KNDC1: variants seen among roughly 807,000 people sequenced by gnomAD.
KNDC1 encodes kinase non-catalytic C-lobe domain-containing protein 1.
In KNDC1, 106 loss-of-function variants were observed where a neutral mutation model predicts 172.8. The ratio of observed to expected loss-of-function variants is 0.61; its 90% CI spans 0.52 to 0.72. KNDC1 has a LOEUF of 0.72. KNDC1 is among the 30% of genes least tolerant of loss of function. KNDC1 has a pLI of 0.00. For synonymous variants in KNDC1, 1,083 were observed against 1,062.2 expected (o/e 1.02, Z -0.38); for missense variants, 2,325 against 2,394.5 (o/e 0.97, Z 0.61).
intron 14 of KNDC1, 83 bp from the exon 15 acceptor site, chr10:133,199,375 C>A: frequency 6.3e-7 from 1 of 1,577,830 alleles, no homozygotes; most frequent in South Asian, 1.2e-5. Flanking sequence ...CGAGATCAGC[C>A]TTGTCCGTTT....
At chr10:133,162,404 C>G (rs769567026) in intron 1 of KNDC1, among the ~76,000 whole-genome samples, 2 of 152,140 alleles carry the variant, frequency 1.3e-5, no homozygotes. Flanking sequence ...GGGCAGCTGC[C>G]GGGAAAGCAC....
At chr10:133,181,887 C>T (rs943457021) in intron 3 of KNDC1, among the ~76,000 whole-genome samples, 1 of 144,772 alleles carries the variant, frequency 6.9e-6, no homozygotes, top group Non-Finnish European at 1.5e-5. Context: ...GAACCACCTG[C>T]GAGGCAGTTT....
At chr10:133,175,632 T>A (rs931021329) in intron 3 of KNDC1, among the ~76,000 whole-genome samples, 1 of 148,336 alleles carries the variant, frequency 6.7e-6, no homozygotes, top group African/African-American at 2.5e-5. Context: ...GATGGATTGA[T>A]GAGTGTATGA....
In KNDC1 at chr10:133,168,281, CCGAGTT is replaced by C; in HGVS notation, c.333_338del (p.Glu111_Phe112del). Reference sequence around the variant, plus strand: ...GACCCTGAGGGTGCCTTCGTTCCCCCCGAGTTCGACGTGACCGGGAACACCTTTGAG... The same window carrying C: ...GACCCTGAGGGTGCCTTCGTTCCCCCCGACGTGACCGGGAACACCTTTGAG... On this transcript the variant is annotated inframe_deletion, in exon 3 of 30. Coordinates refer to ENST00000304613, the MANE Select transcript of KNDC1 (RefSeq NM_152643.8). The C allele has an allele frequency of 6.2e-7, 1 of 1,614,172 alleles. No individual in the cohort carries two copies. Among genetic ancestry groups the C allele is most frequent in the Non-Finnish European group, 8.5e-7 (1 of 1,180,022 alleles).
At chr10:133,191,811 G>T (rs1055028564) in intron 9 of KNDC1, among the ~76,000 whole-genome samples, 2 of 152,250 alleles carry the variant, frequency 1.3e-5, no homozygotes, top group African/African-American at 4.8e-5. Context: ...AAACCCCACA[G>T]GAGCACTGCG....
At chr10:133,203,214 C>T (rs371439392) in intron 17 of KNDC1, among the ~76,000 whole-genome samples, 452 of 45,530 alleles carry the variant, frequency 9.9e-3, no homozygotes, top group South Asian at 0.015. Flanking sequence ...CCCAAACGCA[C>T]GGCGTCCAGT....
chr10:133,223,907 G>T (rs1391203674), intron 29 of KNDC1, among the ~76,000 whole-genome samples: 1 of 139,026 alleles, frequency 7.2e-6, no homozygotes, highest in Non-Finnish European at 1.5e-5. Flanking sequence ...GCGTGTGTGT[G>T]AGCCCATCCA....
At chr10:133,188,502 G>A (rs1322446211) in intron 6 of KNDC1, 37 bp from the exon 7 acceptor site, 7 of 1,374,952 alleles carry the variant, frequency 5.1e-6, no homozygotes, top group Admixed American at 4.0e-5. Flanking sequence ...CCTGGCAAGG[G>A]GTGTCCACAC....
intron 26 of KNDC1, among the ~76,000 whole-genome samples, chr10:133,216,200 G>C (rs1845465934): frequency 6.6e-6 from 1 of 152,180 alleles, no homozygotes; most frequent in African/African-American, 2.4e-5. Context: ...TTCTGACGAT[G>C]CCTGGAGTGA....
At position 133,199,150 on chromosome 10, in the gene KNDC1, C is replaced by A. The variant is rs1251952674; in HGVS notation, c.2642C>A (p.Ala881Asp). Reference sequence around the variant, plus strand: ...AGGCTCTGTCTGCCCTGCGTGGATGCCTCGCCACTCCCAGGGAGGACGGCC... The same window carrying A: ...AGGCTCTGTCTGCCCTGCGTGGATGACTCGCCACTCCCAGGGAGGACGGCC... ...DRRLCLPCVDASPLPGRTACP... is the reference protein window; with the variant it reads ...DRRLCLPCVDDSPLPGRTACP... The change falls in exon 14 of 30, where the codon GCC becomes GAC. Residue 881 changes from alanine (A) to aspartate (D), a missense_variant. Coordinates refer to ENST00000304613, the MANE Select transcript of KNDC1 (RefSeq NM_152643.8). 4 of 1,593,452 alleles carry A rather than the reference C, an allele frequency of 2.5e-6. No homozygotes were observed. Among genetic ancestry groups the A allele is most frequent in the Non-Finnish European group, 3.4e-6 (4 of 1,171,876 alleles).
chr10:133,202,960 CAGGG>C (rs1832877692), intron 17 of KNDC1, among the ~76,000 whole-genome samples: 2 of 152,192 alleles, frequency 1.3e-5, no homozygotes, highest in African/African-American at 4.8e-5. Flanking sequence ...CCCCCAAACG[CAGGG>C]AGTCCAGCAG....
intron 5 of KNDC1, among the ~76,000 whole-genome samples, chr10:133,185,382 AGTGTGT>A (rs1853864869): frequency 7.2e-6 from 1 of 138,000 alleles, no homozygotes; most frequent in Non-Finnish European, 1.6e-5. Context: ...TGGAGTAGGC[AGTGTGT>A]ACAGTGTGGA....
At position 133,186,570 on chromosome 10, in the gene KNDC1, G is replaced by A; in HGVS notation, c.1222G>A (p.Ala408Thr). 3.1e-6 allele frequency: 5 copies of A among 1,608,960 alleles called. No individual in the cohort carries two copies. The highest frequency in any genetic ancestry group is 3.4e-6 in the Non-Finnish European group (4 of 1,179,916). ...ACACCCCAGCCAGGGGCCAGCAGAG[G>A]CCCCTGCAGACCCTCGAGATGCTAG... ...TSHPSQGPAE[A>T]PADPRDASGE... Residue 408 changes from alanine (A) to threonine (T), a missense_variant, in exon 6 of 30, where the codon GCC becomes ACC. Physicochemically the swap from Ala to Thr is moderately conservative, Grantham distance 58. Transcript: ENST00000304613.
chr10:133,220,993 C>T (rs1189209494), intron 29 of KNDC1, among the ~76,000 whole-genome samples: 1 of 152,238 alleles, frequency 6.6e-6, no homozygotes, highest in East Asian at 1.9e-4. Flanking sequence ...CCAAGATAAC[C>T]TCCAGCCACC....
chr10:133,197,218 C>T lies in KNDC1; in HGVS notation c.1812+83C>T, dbSNP rs1471771303. On this transcript the variant is annotated intron_variant, in intron 11 of 29. Coordinates refer to ENST00000304613, the MANE Select transcript of KNDC1 (RefSeq NM_152643.8). ...GGACGCACTTGCCCTTGCCTGGCCGCTCCCGGCAGCCCCACACCCCGGTCT... is the reference window on the plus strand; with the variant it reads ...GGACGCACTTGCCCTTGCCTGGCCGTTCCCGGCAGCCCCACACCCCGGTCT... 4.6e-6 allele frequency: 5 copies of T among 1,077,102 alleles called. No individual in the cohort carries two copies. The African/African-American group carries it at 4.7e-5, about 10-fold the overall frequency. The allele number at this position is 1,077,102 out of a possible 1,614,324, so 66.7% of individuals were successfully genotyped here. A position where few individuals can be genotyped will look rare whatever the true frequency, so the allele number is the denominator to read the frequency against.
chr10:133,167,988 C>A (rs138287479), intron 2 of KNDC1, among the ~76,000 whole-genome samples: 5 of 152,332 alleles, frequency 3.3e-5, no homozygotes, highest in African/African-American at 9.6e-5. Flanking sequence ...GGCCCCTGCC[C>A]GGGAGCTGAT....
rs552277618 is a variant in KNDC1 at position 133,163,656 on chromosome 10, C to A, written c.102+3087C>A. Among the ~76,000 whole-genome samples, 56 of 152,282 alleles carry A rather than the reference C, an allele frequency of 3.7e-4. No homozygotes were observed. Among genetic ancestry groups the A allele is most frequent in the Admixed American group, 2.0e-3 (31 of 15,300 alleles). ...GTCATAAGACAGTGTATTTCAAATG[C>A]GCCACACGATCTAGGCGTCCCTGTG... is the stretch of plus-strand genomic sequence containing the variant. On this transcript the variant is annotated intron_variant, in intron 1 of 29. Transcript: ENST00000304613. This position sits in a 1 kb window ranked among gnomAD's most constrained non-coding sequence, Gnocchi z 4.4.
At chr10:133,177,551 CGT>C (rs1432335563) in intron 3 of KNDC1, among the ~76,000 whole-genome samples, 2 of 151,388 alleles carry the variant, frequency 1.3e-5, no homozygotes, top group African/African-American at 4.9e-5. Flanking sequence ...GTCATGAGCA[CGT>C]GTGTTGCATG....
chr10:133,207,363 G>A lies in KNDC1; in HGVS notation c.3794+12G>A. Reference sequence around the variant, plus strand: ...TACCTGTACTCCAGGTGCGTTGGGAGAAAAGCTCACCCGGAAAAGGAGACG... The same window carrying A: ...TACCTGTACTCCAGGTGCGTTGGGAAAAAAGCTCACCCGGAAAAGGAGACG... On this transcript the variant is annotated intron_variant, in intron 20 of 29. Transcript: ENST00000304613. The A allele has an allele frequency of 6.2e-7, 1 of 1,610,440 alleles. No individual in the cohort carries two copies. Among genetic ancestry groups the A allele is most frequent in the South Asian group, 1.1e-5 (1 of 90,938 alleles).
Sources: allele counts gnomAD v4.1 joint callset (sites outside exome capture counted in the v4.1 genomes callset), GRCh38; gene constraint gnomAD v4.1.1; non-coding constraint Gnocchi (gnomAD v3.1); transcripts MANE v1.5; gene names NCBI Gene and HGNC (gene_info 2026-07-23, HGNC 2026-07-21).